The following CNTNAP2 variants were observed in gnomAD, a reference collection of about 807,000 sequenced individuals.
The protein encoded by CNTNAP2 is contactin associated protein 2.
Under a neutral mutation model 155.2 loss-of-function variants are expected in CNTNAP2, and 98 were observed. The observed-to-expected ratio is 0.63, with a 90% CI of 0.54 to 0.75. The LOEUF (loss-of-function observed/expected upper bound fraction) is 0.75, where lower values mean the gene tolerates loss of function less well. Among genes scored for constraint, CNTNAP2 ranks in the 30% least tolerant of loss-of-function variants. CNTNAP2 has a pLI of 0.00. For synonymous variants in CNTNAP2, 651 were observed against 631.2 expected, an observed-to-expected ratio of 1.03 and a Z score of -0.47; for missense variants, 1,727 against 1,688.1, an observed-to-expected ratio of 1.02 and a Z score of -0.40.
At chr7:147,550,783 A>T (rs1799836541) in intron 11 of CNTNAP2, among the ~76,000 whole-genome samples, 1 of 152,338 alleles carries the variant, frequency 6.6e-6, no homozygotes, top group South Asian at 2.1e-4. Context: ...AACAGATATT[A>T]TATAGCAGGT....
At chr7:146,925,837 T>A (rs2129221225) in intron 3 of CNTNAP2, among the ~76,000 whole-genome samples, 1 of 152,226 alleles carries the variant, frequency 6.6e-6, no homozygotes, top group East Asian at 1.9e-4. Context: ...TCAGGGCACA[T>A]ACAAAATCTC....
At chr7:146,727,754 G>T (rs1219698126) in intron 1 of CNTNAP2, among the ~76,000 whole-genome samples, 2 of 152,174 alleles carry the variant, frequency 1.3e-5, no homozygotes, top group Non-Finnish European at 2.9e-5. Context: ...ATGTGTAATT[G>T]TTAGTAGGAG....
chr7:147,527,096 C>T (rs1436373576), intron 11 of CNTNAP2, among the ~76,000 whole-genome samples: 3 of 125,452 alleles, frequency 2.4e-5, no homozygotes, highest in Non-Finnish European at 4.8e-5. Flanking sequence ...GATCTCGGCT[C>T]ACTGCAAGCT....
chr7:146,594,672 A>G (rs1382067753), intron 1 of CNTNAP2, among the ~76,000 whole-genome samples: 1 of 152,106 alleles, frequency 6.6e-6, no homozygotes, highest in African/African-American at 2.4e-5. Flanking sequence ...TTCAGGAGCC[A>G]TGGTGGTTCC....
At chr7:146,718,486 GAACCTCTGTTCCTTA>G (rs1189150546) in intron 1 of CNTNAP2, among the ~76,000 whole-genome samples, 2 of 151,986 alleles carry the variant, frequency 1.3e-5, no homozygotes, top group Non-Finnish European at 2.9e-5. Context: ...CTGTGACTGG[GAACCTCTGTTCCTTA>G]AACCTTTTCT....
chr7:147,452,414 A>T (rs188358294), intron 10 of CNTNAP2, among the ~76,000 whole-genome samples: 12 of 152,324 alleles, frequency 7.9e-5, no homozygotes, highest in Admixed American at 5.9e-4. Context: ...TTTATAGATG[A>T]GAAATGACCT....
In CNTNAP2 at chr7:147,321,254, A is replaced by G. The variant is rs567209334; in HGVS notation, c.1498+20964A>G. Among the ~76,000 whole-genome samples, 20 of 152,130 alleles carry G rather than the reference A, an allele frequency of 1.3e-4. No individual in the cohort carries two copies. In the South Asian group the frequency reaches 3.9e-3, roughly 30 times the overall value. On this transcript the variant is annotated intron_variant, in intron 9 of 23. Transcript: ENST00000361727. The stretch of plus-strand genomic sequence containing the variant: ...AAGAATAAACCTTTAGTGGACGATG[A>G]TATCCTCAATCTGATCACTGCAACA...
intron 13 of CNTNAP2, among the ~76,000 whole-genome samples, chr7:147,765,336 A>G (rs1349800741): frequency 6.6e-6 from 1 of 152,186 alleles, no homozygotes; most frequent in Non-Finnish European, 1.5e-5. Context: ...GAAGACATTC[A>G]GTAATCACAT....
intron 3 of CNTNAP2, among the ~76,000 whole-genome samples, chr7:146,861,458 C>T (rs563088831): frequency 5.3e-5 from 8 of 152,140 alleles, no homozygotes; most frequent in South Asian, 4.2e-4. Context: ...TTAATAAAAT[C>T]GATAGAAAAC....
At chr7:147,200,182 GA>G (rs549254351) in intron 8 of CNTNAP2, among the ~76,000 whole-genome samples, 2 of 149,920 alleles carry the variant, frequency 1.3e-5, no homozygotes, top group African/African-American at 2.5e-5. Context: ...CAGTGCTCAA[GA>G]AAAAAAAATA....
intron 1 of CNTNAP2, among the ~76,000 whole-genome samples, chr7:146,299,056 G>A (rs1800560866): frequency 6.6e-6 from 1 of 152,018 alleles, no homozygotes; most frequent in Non-Finnish European, 1.5e-5. Context: ...GGGATCACTT[G>A]AAGTCAGGAG....
chr7:146,548,725 G>A (rs1798069658), intron 1 of CNTNAP2, among the ~76,000 whole-genome samples: 1 of 149,298 alleles, frequency 6.7e-6, no homozygotes, highest in Admixed American at 6.7e-5. Context: ...TTAGTGAGTT[G>A]GAGTTTCTTA....
chr7:147,181,910 A>G (rs2116501169), intron 8 of CNTNAP2, among the ~76,000 whole-genome samples: 1 of 152,148 alleles, frequency 6.6e-6, no homozygotes, highest in East Asian at 1.9e-4. Context: ...GTGGATCACT[A>G]GGTCAGTAGT....
At chr7:146,585,464 C>T (rs1408519451) in intron 1 of CNTNAP2, among the ~76,000 whole-genome samples, 1 of 151,956 alleles carries the variant, frequency 6.6e-6, no homozygotes, top group Non-Finnish European at 1.5e-5. Context: ...TTTTCAGCAC[C>T]CGAGCCTTAA....
intron 12 of CNTNAP2, among the ~76,000 whole-genome samples, chr7:147,597,611 T>C (rs10259411): frequency 0.7 from 106,199 of 152,032 alleles, 37,829 homozygotes; most frequent in African/African-American, 0.83. Context: ...ATTGAATGAA[T>C]GAATGAATGA....
intron 12 of CNTNAP2, among the ~76,000 whole-genome samples, chr7:147,588,614 G>C (rs1378221785): frequency 6.6e-6 from 1 of 152,022 alleles, no homozygotes; most frequent in Non-Finnish European, 1.5e-5. Context: ...ATAATAATTA[G>C]AACCAAGCTA....
chr7:147,653,363 C>T lies in CNTNAP2; in HGVS notation c.2098+14057C>T, dbSNP rs547412972. Among the ~76,000 whole-genome samples the T allele has an allele frequency of 7.9e-5, 12 of 152,230 alleles. No individual in the cohort carries two copies. The South Asian group carries it at 1.0e-3, about 13-fold the overall frequency. On this transcript the variant is annotated intron_variant, in intron 13 of 23. Coordinates refer to ENST00000361727, the MANE Select transcript of CNTNAP2 (RefSeq NM_014141.6). ...TAAATTTGCTTTTGATAGAGTTCTC[C>T]GAGATCCTGTTAAAACGAGAAAGAT...
intron 11 of CNTNAP2, among the ~76,000 whole-genome samples, chr7:147,517,608 C>G (rs1799150564): frequency 6.6e-6 from 1 of 152,148 alleles, no homozygotes; most frequent in Non-Finnish European, 1.5e-5. Flanking sequence ...CTATGATAAA[C>G]AAGAGGAACA....
intron 8 of CNTNAP2, among the ~76,000 whole-genome samples, chr7:147,211,017 G>GTT (rs529043387): frequency 1.9e-4 from 27 of 141,542 alleles, no homozygotes; most frequent in African/African-American, 5.0e-4. Flanking sequence ...CTTGGAGTAG[G>GTT]TTTTTTTTTT....
Sources: allele counts gnomAD v4.1 joint callset (sites outside exome capture counted in the v4.1 genomes callset), GRCh38; gene constraint gnomAD v4.1.1; transcripts MANE v1.5; gene names NCBI Gene and HGNC (gene_info 2026-07-23, HGNC 2026-07-21).